Variants in IGF2BP3 observed in about 807,000 individuals in gnomAD.
IGF2BP3 encodes the protein insulin-like growth factor 2 mRNA-binding protein 3.
A neutral mutation model predicts 73.8 loss-of-function variants in IGF2BP3; 9 were observed. That is an observed-to-expected ratio of 0.12 (90% CI 0.07 to 0.21). The LOEUF is 0.21. IGF2BP3 is among the 10% of genes least tolerant of loss of function. The pLI is 1.00. For missense variants in IGF2BP3, 542 were observed against 714.0 expected, an observed-to-expected ratio of 0.76 and a Z score of 2.75; for synonymous variants, 258 against 256.7, an observed-to-expected ratio of 1.01 and a Z score of -0.05.
chr7:23,398,688 C>T (rs939430731), intron 3 of IGF2BP3, among the ~76,000 whole-genome samples: 11 of 152,216 alleles, frequency 7.2e-5, no homozygotes, highest in Admixed American at 4.6e-4. Context: ...TTTTCATGTG[C>T]TTTTTGGCTG....
chr7:23,420,404 G>A (rs1016837340), intron 2 of IGF2BP3, among the ~76,000 whole-genome samples: 1 of 152,092 alleles, frequency 6.6e-6, no homozygotes, highest in Non-Finnish European at 1.5e-5. Context: ...CTTGAGACCA[G>A]GAGTTCAAAG....
At chr7:23,362,350 A>C (rs1785250917) in intron 3 of IGF2BP3, among the ~76,000 whole-genome samples, 1 of 152,264 alleles carries the variant, frequency 6.6e-6, no homozygotes, top group African/African-American at 2.4e-5. Context: ...GGTTCTTACA[A>C]AACAGATTGC....
At chr7:23,320,765 T>C (rs999996155) in intron 10 of IGF2BP3, among the ~76,000 whole-genome samples, 3 of 148,972 alleles carry the variant, frequency 2.0e-5, no homozygotes, top group African/African-American at 7.4e-5. Context: ...CTGGGCAACA[T>C]GGCAAAACCC....
At chr7:23,368,018 C>CA (rs1307587375) in intron 3 of IGF2BP3, among the ~76,000 whole-genome samples, 4 of 150,802 alleles carry the variant, frequency 2.7e-5, no homozygotes, top group Admixed American at 6.6e-5. Context: ...CAAAAAAAAA[C>CA]AAAAAAACAA....
At chr7:23,362,543 G>A (rs773143487) in intron 3 of IGF2BP3, 1 of 152,168 alleles carries the variant, frequency 6.6e-6, no homozygotes, top group Admixed American at 6.5e-5. Context: ...TCCTGTAGCT[G>A]TATTATTATA....
At chr7:23,424,261 G>GA (rs1787435478) in intron 2 of IGF2BP3, among the ~76,000 whole-genome samples, 1 of 152,156 alleles carries the variant, frequency 6.6e-6, no homozygotes, top group South Asian at 2.1e-4. Context: ...CACTTTGGGA[G>GA]GCTGAGGTCG....
At chr7:23,430,547 T>C (rs553488438) in intron 2 of IGF2BP3, among the ~76,000 whole-genome samples, 13 of 152,350 alleles carry the variant, frequency 8.5e-5, no homozygotes, top group African/African-American at 3.1e-4. Context: ...ACTAAACCTA[T>C]GTCCAAAGAG....
intron 10 of IGF2BP3, among the ~76,000 whole-genome samples, chr7:23,330,579 T>A (rs1047923651): frequency 1.3e-5 from 2 of 152,092 alleles, no homozygotes; most frequent in South Asian, 4.1e-4. Flanking sequence ...AGTCAGTTAT[T>A]TTTATTTTGA....
intron 3 of IGF2BP3, among the ~76,000 whole-genome samples, chr7:23,370,778 A>G (rs974890417): frequency 6.6e-6 from 1 of 151,966 alleles, no homozygotes; most frequent in African/African-American, 2.4e-5. Flanking sequence ...CCTGGGCTCA[A>G]GCCATTCTAC....
At chr7:23,436,207 C>A (rs1323238194) in intron 2 of IGF2BP3, among the ~76,000 whole-genome samples, 1 of 152,106 alleles carries the variant, frequency 6.6e-6, no homozygotes, top group Non-Finnish European at 1.5e-5. Context: ...AAAAACTAAT[C>A]AGGAAAATTG....
chr7:23,449,554 CTTTTT>C (rs376571131), intron 2 of IGF2BP3, among the ~76,000 whole-genome samples: 11 of 106,960 alleles, frequency 1.0e-4, no homozygotes, highest in African/African-American at 3.5e-4. Flanking sequence ...TTTTCTTTTT[CTTTTT>C]TTTTTTTTTT....
chr7:23,319,760 A>G (rs1784084642), intron 10 of IGF2BP3, among the ~76,000 whole-genome samples: 1 of 152,166 alleles, frequency 6.6e-6, no homozygotes, highest in African/African-American at 2.4e-5. Context: ...TTTGTTACAT[A>G]TGACTAAATT....
At chr7:23,441,569 T>C (rs1294790790) in intron 2 of IGF2BP3, among the ~76,000 whole-genome samples, 1 of 87,076 alleles carries the variant, frequency 1.1e-5, no homozygotes, top group Admixed American at 1.8e-4. Context: ...TGAGACTCCA[T>C]CTCTTAAAAA....
intron 3 of IGF2BP3, chr7:23,362,510 GCTGT>G (rs913638599): frequency 3.9e-5 from 6 of 152,150 alleles, no homozygotes; most frequent in African/African-American, 1.2e-4. Context: ...ACAATTTGAA[GCTGT>G]CTATGTTTTT....
intron 3 of IGF2BP3, among the ~76,000 whole-genome samples, chr7:23,410,602 C>T (rs1786988512): frequency 6.6e-6 from 1 of 152,150 alleles, no homozygotes; most frequent in Non-Finnish European, 1.5e-5. Flanking sequence ...TGGCCCATCC[C>T]AGAGCAGCCA....
chr7:23,449,441 C>T (rs1006673846), intron 2 of IGF2BP3, among the ~76,000 whole-genome samples: 29 of 151,778 alleles, frequency 1.9e-4, no homozygotes, highest in Admixed American at 1.6e-3. Flanking sequence ...GGCATGAAAC[C>T]GGGAGGCAGA....
intron 3 of IGF2BP3, among the ~76,000 whole-genome samples, chr7:23,362,921 T>C (rs1785268695): frequency 6.6e-6 from 1 of 151,964 alleles, no homozygotes; most frequent in African/African-American, 2.4e-5. Context: ...CCTCAGCTAA[T>C]TTTTAAAATT....
At chr7:23,418,962 C>A in intron 2 of IGF2BP3, 138 bp from the exon 3 acceptor site, 1 of 579,546 alleles carries the variant, frequency 1.7e-6, no homozygotes, top group South Asian at 2.8e-5. Flanking sequence ...GAAAATACAG[C>A]CCAAGAAGGA....
chr7:23,382,105 G>A (rs1329740651), intron 3 of IGF2BP3, among the ~76,000 whole-genome samples: 2 of 152,046 alleles, frequency 1.3e-5, no homozygotes, highest in African/African-American at 4.8e-5. Flanking sequence ...AATTAGCCAG[G>A]TGTGGTGACA....
Sources: allele counts gnomAD v4.1 joint callset (sites outside exome capture counted in the v4.1 genomes callset), GRCh38; gene constraint gnomAD v4.1.1; transcripts MANE v1.5; gene names NCBI Gene and HGNC (gene_info 2026-07-23, HGNC 2026-07-21).